Variants in ENTHD1 observed in about 807,000 individuals in gnomAD.
The protein encoded by ENTHD1 is ENTH domain containing 1, also known as ENTH domain-containing protein 1.
In ENTHD1, 23 loss-of-function variants were observed where a neutral mutation model predicts 39.1. The ratio of observed to expected loss-of-function variants is 0.59; its 90% CI spans 0.42 to 0.83. The LOEUF (loss-of-function observed/expected upper bound fraction) is 0.83. ENTHD1 is among the 40% of genes least tolerant of loss of function. The probability of loss-of-function intolerance (pLI) is 0.00; values close to 1 mark genes in which losing one functional copy is unlikely to be tolerated. For synonymous variants in ENTHD1, 230 were observed against 258.2 expected, an observed-to-expected ratio of 0.89 and a Z score of 1.05; for missense variants, 624 against 705.4, an observed-to-expected ratio of 0.88 and a Z score of 1.31.
chr22:39,792,248 T>C (rs2065510542), intron 5 of ENTHD1, among the ~76,000 whole-genome samples: 1 of 152,164 alleles, frequency 6.6e-6, no homozygotes, highest in Non-Finnish European at 1.5e-5. Flanking sequence ...TTTGGGTATA[T>C]ATCCAGTAGT....
intron 6 of ENTHD1, among the ~76,000 whole-genome samples, chr22:39,748,066 T>C (rs932884790): frequency 6.6e-6 from 1 of 151,976 alleles, no homozygotes; most frequent in African/African-American, 2.4e-5. Context: ...CTGAGCAACA[T>C]GGCGAAACCC....
At chr22:39,760,348 C>T in intron 6 of ENTHD1, among the ~76,000 whole-genome samples, 2 of 150,536 alleles carry the variant, frequency 1.3e-5, no homozygotes, top group African/African-American at 2.4e-5. Context: ...TGCTGTATAT[C>T]CCTCATGTTT....
Position 39,887,733 on chromosome 22 carries a change from G to A in ENTHD1, c.16C>T (p.Gln6Ter). MAFRR[Q>*]VKNFVKNYSD... is the part of the protein sequence containing the mutation. Reference sequence around the variant, plus strand: ...TAATTTTTCACAAAGTTTTTCACTTGTCTCCTGAACGCCATAAGTAATACA... The same window carrying A: ...TAATTTTTCACAAAGTTTTTCACTTATCTCCTGAACGCCATAAGTAATACA... The change falls in exon 2 of 7, where the codon CAA becomes TAA. Residue 6 changes from glutamine to a stop codon, truncating the protein, a stop_gained. Coordinates refer to ENST00000325157, the MANE Select transcript of ENTHD1 (RefSeq NM_152512.4). LOFTEE classifies it high-confidence loss of function. 1 of 1,576,190 alleles carries A rather than the reference G, an allele frequency of 6.3e-7. No individual in the cohort carries two copies. Among genetic ancestry groups the A allele is most frequent in the Non-Finnish European group, 8.6e-7 (1 of 1,163,200 alleles).
At chr22:39,775,300 T>A (rs2065357858) in intron 5 of ENTHD1, among the ~76,000 whole-genome samples, 1 of 152,224 alleles carries the variant, frequency 6.6e-6, no homozygotes, top group Non-Finnish European at 1.5e-5. Context: ...TCAACTTGTT[T>A]AACCCATAGG....
chr22:39,827,250 C>T (rs369341060), intron 4 of ENTHD1, among the ~76,000 whole-genome samples: 1 of 152,006 alleles, frequency 6.6e-6, no homozygotes, highest in Non-Finnish European at 1.5e-5. Context: ...CTTCTGACCT[C>T]GTGATCCACC....
At chr22:39,840,862 C>T (rs2065938940) in intron 3 of ENTHD1, among the ~76,000 whole-genome samples, 1 of 152,104 alleles carries the variant, frequency 6.6e-6, no homozygotes, top group Non-Finnish European at 1.5e-5. Context: ...TCACCATTCT[C>T]CTGCCTCAGC....
chr22:39,891,308 G>A (rs1371469805), intron 1 of ENTHD1, among the ~76,000 whole-genome samples: 1 of 152,034 alleles, frequency 6.6e-6, no homozygotes, highest in South Asian at 2.1e-4. Flanking sequence ...AAGCTCCTTG[G>A]GGGCAGGGAC....
intron 2 of ENTHD1, among the ~76,000 whole-genome samples, chr22:39,884,017 C>T (rs906525776): frequency 2.0e-5 from 3 of 151,796 alleles, no homozygotes; most frequent in Middle Eastern, 3.2e-3. Flanking sequence ...ACCCTGAAAA[C>T]TACACAGCAC....
intron 3 of ENTHD1, among the ~76,000 whole-genome samples, chr22:39,852,385 A>G (rs967773246): frequency 6.6e-6 from 1 of 152,162 alleles, no homozygotes; most frequent in African/African-American, 2.4e-5. Context: ...TCTGATATTA[A>G]TGATGGTTAT....
At chr22:39,850,556 T>C (rs1336286222) in intron 3 of ENTHD1, among the ~76,000 whole-genome samples, 1 of 152,166 alleles carries the variant, frequency 6.6e-6, no homozygotes, top group Non-Finnish European at 1.5e-5. Flanking sequence ...TCTGGGCTTA[T>C]TTCTATTATT....
At chr22:39,886,948 C>T (rs2066383492) in intron 2 of ENTHD1, among the ~76,000 whole-genome samples, 1 of 152,050 alleles carries the variant, frequency 6.6e-6, no homozygotes, top group Admixed American at 6.5e-5. Context: ...TGCCATGCCT[C>T]CTATTTTATT....
intron 2 of ENTHD1, among the ~76,000 whole-genome samples, chr22:39,879,377 G>A (rs572011746): frequency 6.7e-6 from 1 of 150,104 alleles, no homozygotes; most frequent in African/African-American, 2.5e-5. Context: ...GCAGGAGAAT[G>A]GTGGGAACCC....
intron 4 of ENTHD1, among the ~76,000 whole-genome samples, chr22:39,828,375 GC>G (rs1406724355): frequency 6.6e-6 from 1 of 152,100 alleles, no homozygotes; most frequent in Non-Finnish European, 1.5e-5. Flanking sequence ...CAATGATGTA[GC>G]AAAAAGATAC....
Position 39,765,444 on chromosome 22 carries a change from G to A in ENTHD1, c.998C>T (p.Pro333Leu), listed in dbSNP as rs1428527416. The change falls in exon 6 of 7, where the codon CCA (proline) becomes CTA (leucine). Residue 333 changes from proline to leucine, a missense_variant. Pro to Leu is a moderately conservative substitution (Grantham distance 98). Transcript: ENST00000325157. ...AEGLKTLTIL[P>L]ACWSSKEEFI... ...CTCCTCTTTACTTGACCAACATGCT[G>A]GTAAAATTGTCAATGTTTTAAGACC... The A allele has an allele frequency of 6.2e-7, 1 of 1,613,878 alleles. No individual in the cohort carries two copies. The highest frequency in any genetic ancestry group is 8.5e-7 in the Non-Finnish European group (1 of 1,179,948).
In ENTHD1 at chr22:39,832,233, C is replaced by G. The variant is rs572502800; in HGVS notation, c.711+3607G>C. 9.2e-5 allele frequency among the ~76,000 whole-genome samples: 14 copies of G among 152,254 alleles called. No individual in the cohort carries two copies. The South Asian group carries it at 2.9e-3, about 32-fold the overall frequency. The stretch of plus-strand genomic sequence containing the variant: ...GGCTGAGGTGGGAAGATCGCTTGCA[C>G]CCATGAGTTTGAGGTTACAGTGAGC... On this transcript the variant is annotated intron_variant, in intron 4 of 6. Transcript: ENST00000325157.
At chr22:39,756,031 T>C (rs981177445) in intron 6 of ENTHD1, among the ~76,000 whole-genome samples, 5 of 152,062 alleles carry the variant, frequency 3.3e-5, no homozygotes, top group African/African-American at 9.7e-5. Flanking sequence ...CTTGAATTTA[T>C]GGTGAGGTTT....
At chr22:39,753,137 A>G (rs912371573) in intron 6 of ENTHD1, among the ~76,000 whole-genome samples, 1 of 152,220 alleles carries the variant, frequency 6.6e-6, no homozygotes, top group Non-Finnish European at 1.5e-5. Flanking sequence ...CCACTATCCA[A>G]TATGAGAAAG....
At chr22:39,846,583 A>G (rs2065991031) in intron 3 of ENTHD1, among the ~76,000 whole-genome samples, 1 of 152,094 alleles carries the variant, frequency 6.6e-6, no homozygotes, top group African/African-American at 2.4e-5. Flanking sequence ...CTGAATGGTA[A>G]TGCCTAGGTT....
intron 5 of ENTHD1, among the ~76,000 whole-genome samples, chr22:39,809,657 G>A (rs919730285): frequency 1.3e-5 from 2 of 152,118 alleles, no homozygotes; most frequent in South Asian, 2.1e-4. Flanking sequence ...GTTCACTAAG[G>A]CATTTAAAAA....
Sources: allele counts gnomAD v4.1 joint callset (sites outside exome capture counted in the v4.1 genomes callset), GRCh38; gene constraint gnomAD v4.1.1; transcripts MANE v1.5; gene names NCBI Gene and HGNC (gene_info 2026-07-23, HGNC 2026-07-21).